PPEF2: variants seen among roughly 807,000 people sequenced by gnomAD.
PPEF2 encodes the protein serine/threonine-protein phosphatase with EF-hands 2.
A neutral mutation model predicts 84.7 loss-of-function variants in PPEF2; 84 were observed. The observed-to-expected ratio is 0.99, with a 90% CI of 0.83 to 1.19. PPEF2 has a LOEUF of 1.19. Ranked by LOEUF, PPEF2 falls within the 50% of genes most tolerant of loss-of-function variation. PPEF2 has a pLI of 0.00. For missense variants in PPEF2, 924 were observed against 937.5 expected, an observed-to-expected ratio of 0.99 and a Z score of 0.19; for synonymous variants, 346 against 345.2, an observed-to-expected ratio of 1.00 and a Z score of -0.03.
intron 13 of PPEF2, among the ~76,000 whole-genome samples, chr4:75,870,524 C>T (rs974229877): frequency 1.3e-5 from 2 of 152,208 alleles, no homozygotes; most frequent in Non-Finnish European, 2.9e-5. Context: ...ATTTCTAACT[C>T]TGTTAGGCTG....
At position 75,866,333 on chromosome 4, in the gene PPEF2, GTC is replaced by G; in HGVS notation, c.1774_1775del (p.Asp592LeufsTer70). The G allele has an allele frequency of 6.2e-7, 1 of 1,613,498 alleles. No homozygotes were observed. Among genetic ancestry groups the G allele is most frequent in the Non-Finnish European group, 8.5e-7 (1 of 1,179,762 alleles). On this transcript the variant is annotated frameshift_variant, in exon 15 of 17. Coordinates refer to ENST00000286719, the MANE Select transcript of PPEF2 (RefSeq NM_006239.3). LOFTEE classifies it high-confidence loss of function. ...ADKVGLITLS[D>X]WAAAVESVLH... ...ACACAGACTCCACCGCTGCTGCCCA[GTC>G]ACTCAAGGTGATTAAACCTACAGGT...
At chr4:75,896,178 T>G in intron 2 of PPEF2, 93 bp downstream of exon 2, 2 of 1,424,284 alleles carry the variant, frequency 1.4e-6, no homozygotes, top group Non-Finnish European at 2.0e-6. Context: ...ATTTAAGGGT[T>G]TTTCTGCTTC....
At position 75,886,009 on chromosome 4, in the gene PPEF2, TA is replaced by T. The variant is rs35789945; in HGVS notation, c.579+842del. ...CGGCGAGAAGAGCGAAACTCTGTCT[TA>T]AAAAAAAAAAAATTAGGCCATTATG... On this transcript the variant is annotated intron_variant, in intron 7 of 16. Coordinates refer to ENST00000286719, the MANE Select transcript of PPEF2 (RefSeq NM_006239.3). 5.1e-3 allele frequency among the ~76,000 whole-genome samples: 739 copies of T among 144,296 alleles called. 6 individuals carry two copies. The highest frequency in any genetic ancestry group is 0.018 in the African/African-American group (711 of 39,760). 94.7% of individuals were successfully genotyped at this position (144,296 alleles called of 152,430 possible).
At chr4:75,876,144 G>A (rs974480796) in intron 11 of PPEF2, 143 bp downstream of exon 11, 52 of 1,053,954 alleles carry the variant, frequency 4.9e-5, no homozygotes, top group Non-Finnish European at 6.8e-5. Context: ...TGAGTCATTA[G>A]GCAAATACTA....
intron 15 of PPEF2, 89 bp from the exon 16 acceptor site, chr4:75,864,616 A>C: frequency 9.5e-7 from 1 of 1,048,632 alleles, no homozygotes; most frequent in Non-Finnish European, 1.5e-6. Flanking sequence ...TGACAATCAC[A>C]CATTCTTGAA....
At chr4:75,872,258 T>A in intron 12 of PPEF2, 91 bp from the exon 13 acceptor site, 1 of 1,278,808 alleles carries the variant, frequency 7.8e-7, no homozygotes, top group Non-Finnish European at 1.1e-6. Context: ...CTGCAGAAGC[T>A]GCTGTTTCTC....
rs1724963627 is a variant in PPEF2, at chr4:75,894,498, G to T, written c.55+1773C>A. ...CTAAATTTCTTTTTAACCAATAGTT[G>T]AAATCAAAAGCATTGAAGGGAGATC... On this transcript the variant is annotated intron_variant, in intron 2 of 16. Coordinates refer to ENST00000286719, the MANE Select transcript of PPEF2 (RefSeq NM_006239.3). Among the ~76,000 whole-genome samples the T allele has an allele frequency of 1.3e-5, 2 of 152,156 alleles. 1 individual carries two copies. The highest frequency in any genetic ancestry group is 4.1e-4 in the South Asian group (2 of 4,828).
At chr4:75,877,981 A>G (rs1183755409) in intron 10 of PPEF2, among the ~76,000 whole-genome samples, 1 of 152,236 alleles carries the variant, frequency 6.6e-6, no homozygotes, top group African/African-American at 2.4e-5. Context: ...CTTTCCTGTC[A>G]TTCCACAGAT....
chr4:75,866,054 T>C lies in PPEF2; in HGVS notation c.1920+135A>G, dbSNP rs1724122246. 13 of 1,054,812 alleles carry C rather than the reference T, an allele frequency of 1.2e-5. No homozygotes were observed. The South Asian group carries it at 2.4e-4, about 19-fold the overall frequency. 65.3% of individuals were successfully genotyped at this position (1,054,812 alleles called of 1,614,324 possible). ...ACACAAAAGCCTGACACATAGAAAC[T>C]CAAGAAATAGTTATTCCCCTTTCTC... On this transcript the variant is annotated intron_variant, in intron 15 of 16. Coordinates refer to ENST00000286719, the MANE Select transcript of PPEF2 (RefSeq NM_006239.3).
At chr4:75,884,298 C>A (rs988210116) in intron 8 of PPEF2, among the ~76,000 whole-genome samples, 10 of 150,800 alleles carry the variant, frequency 6.6e-5, no homozygotes, top group Admixed American at 6.6e-4. Flanking sequence ...CATGGTGGTG[C>A]GTGCCTGTAA....
At chr4:75,873,748 C>T (rs1169018212) in intron 11 of PPEF2, among the ~76,000 whole-genome samples, 1 of 151,960 alleles carries the variant, frequency 6.6e-6, no homozygotes, top group African/African-American at 2.4e-5. Context: ...CAGACGTGGT[C>T]CTGGGAAAAT....
At chr4:75,882,809 C>T in intron 10 of PPEF2, 117 bp downstream of exon 10, 3 of 1,143,552 alleles carry the variant, frequency 2.6e-6, no homozygotes, top group Non-Finnish European at 3.7e-6. Flanking sequence ...CTCTTAATGG[C>T]CTCCACACTC....
chr4:75,879,068 A>G (rs546209046), intron 10 of PPEF2, among the ~76,000 whole-genome samples: 22 of 152,246 alleles, frequency 1.4e-4, no homozygotes, highest in Admixed American at 1.1e-3. Flanking sequence ...TGTTTTCCCC[A>G]TCTTATGTTT....
chr4:75,888,304 T>G lies in PPEF2; in HGVS notation c.442A>C (p.Asn148His). The G allele has an allele frequency of 1.2e-6, 2 of 1,613,922 alleles. No homozygotes were observed. Among genetic ancestry groups the G allele is most frequent in the Non-Finnish European group, 1.7e-6 (2 of 1,179,872 alleles). Residue 148 changes from asparagine (N) to histidine (H), a missense_variant, in exon 6 of 17, where the codon AAC (asparagine) becomes CAC (histidine). Transcript: ENST00000286719. Reference protein sequence around the residue: ...KQQLHARYVLNLLYETKKHLV... With the variant: ...KQQLHARYVLHLLYETKKHLV... ...TGTTTCTTGGTTTCATACAAAAGGT[T>G]CAAGACGTAGCGAGCATGGAGCTGC...
At chr4:75,893,502 A>AC (rs747041992) in intron 2 of PPEF2, among the ~76,000 whole-genome samples, 2 of 150,200 alleles carry the variant, frequency 1.3e-5, no homozygotes, top group Non-Finnish European at 2.9e-5. Flanking sequence ...ACACACACAC[A>AC]CACACACTCA....
chr4:75,866,403 T>C (rs772529463), intron 14 of PPEF2, 51 bp from the exon 15 acceptor site: 5 of 1,590,278 alleles, frequency 3.1e-6, no homozygotes, highest in Non-Finnish European at 4.3e-6. Flanking sequence ...TCTAGTTTCC[T>C]GCCCAATGGT....
intron 2 of PPEF2, among the ~76,000 whole-genome samples, chr4:75,892,213 C>T (rs1171868229): frequency 6.6e-6 from 1 of 152,198 alleles, no homozygotes; most frequent in Non-Finnish European, 1.5e-5. Flanking sequence ...ACTCATATCA[C>T]TGTAGGTTGA....
chr4:75,879,976 G>A (rs971465786), intron 10 of PPEF2, among the ~76,000 whole-genome samples: 4 of 151,694 alleles, frequency 2.6e-5, no homozygotes, highest in Non-Finnish European at 5.9e-5. Flanking sequence ...GTATAGGCGC[G>A]CGTCACCACA....
chr4:75,873,377 A>G (rs1724332537), intron 11 of PPEF2, 65 bp from the exon 12 acceptor site: 5 of 1,416,422 alleles, frequency 3.5e-6, no homozygotes, highest in African/African-American at 1.4e-5. Flanking sequence ...CAGTCATTCA[A>G]ATGAAAGGAA....
Sources: gnomAD v4.1 joint callset for allele counts (sites outside exome capture counted in the v4.1 genomes callset) on GRCh38, gnomAD v4.1.1 for gene constraint, MANE v1.5 for transcripts, NCBI Gene and HGNC (gene_info 2026-07-23, HGNC 2026-07-21) for gene names.